Variants in ATF7 observed in about 807,000 individuals in gnomAD.
ATF7 encodes cyclic AMP-dependent transcription factor ATF-7.
In ATF7, 10 loss-of-function variants were observed where a neutral mutation model predicts 50.4. The observed-to-expected ratio is 0.20, with a 90% CI of 0.12 to 0.34. The LOEUF (loss-of-function observed/expected upper bound fraction) is 0.34, where lower values mean the gene tolerates loss of function less well. Ranked by LOEUF, ATF7 falls within the 10% of genes least tolerant of loss-of-function variation. The pLI, the probability that ATF7 is intolerant of heterozygous loss-of-function variation, is 1.00. For synonymous variants in ATF7, 201 were observed against 226.4 expected (o/e 0.89, Z 1.01); for missense variants, 465 against 613.9 (o/e 0.76, Z 2.56).
At chr12:53,604,783 A>G (rs940601967) in intron 1 of ATF7, among the ~76,000 whole-genome samples, 1 of 152,206 alleles carries the variant, frequency 6.6e-6, no homozygotes, top group African/African-American at 2.4e-5. Flanking sequence ...AAAATCTAGA[A>G]GATGTTAAGA....
chr12:53,550,456 T>C (rs552116914), intron 3 of ATF7, among the ~76,000 whole-genome samples: 84 of 151,990 alleles, frequency 5.5e-4, no homozygotes, highest in African/African-American at 2.0e-3. Flanking sequence ...GGCTTTTCAA[T>C]AGTATGTATG....
At chr12:53,538,175 T>TC (rs1247844756) in intron 4 of ATF7, among the ~76,000 whole-genome samples, 1 of 152,174 alleles carries the variant, frequency 6.6e-6, no homozygotes, top group Non-Finnish European at 1.5e-5. Flanking sequence ...GCCATTTAAA[T>TC]CCATGCAAAT....
chr12:53,535,328 CAAAAA>C (rs397938442), intron 5 of ATF7, among the ~76,000 whole-genome samples: 4 of 64,960 alleles, frequency 6.2e-5, no homozygotes, highest in African/African-American at 5.6e-5. Flanking sequence ...GACTCTGCCT[CAAAAA>C]AAAAAAAAAA....
intron 5 of ATF7, among the ~76,000 whole-genome samples, chr12:53,535,392 T>C (rs1262594062): frequency 6.6e-6 from 1 of 150,870 alleles, no homozygotes; most frequent in Non-Finnish European, 1.5e-5. Flanking sequence ...AGAAGACAGA[T>C]TTGAGAAGTT....
intron 1 of ATF7, among the ~76,000 whole-genome samples, chr12:53,618,689 A>G (rs1476117142): frequency 6.7e-6 from 1 of 149,962 alleles, no homozygotes; most frequent in East Asian, 2.1e-4. Context: ...ATAAACTACA[A>G]TTATAAATGG....
At chr12:53,608,148 A>AGGCAGAGG (rs1314929564) in intron 1 of ATF7, among the ~76,000 whole-genome samples, 1 of 148,396 alleles carries the variant, frequency 6.7e-6, no homozygotes, top group African/African-American at 2.5e-5. Flanking sequence ...TGAACCCAGG[A>AGGCAGAGG]GGCAGAGGTT....
At chr12:53,529,734 C>T (rs867982865) in intron 9 of ATF7, among the ~76,000 whole-genome samples, 2 of 143,522 alleles carry the variant, frequency 1.4e-5, no homozygotes, top group African/African-American at 2.7e-5. Context: ...CACACACACA[C>T]ATATATATAT....
intron 2 of ATF7, among the ~76,000 whole-genome samples, chr12:53,564,567 T>C (rs531558033): frequency 6.6e-6 from 1 of 152,322 alleles, no homozygotes; most frequent in Non-Finnish European, 1.5e-5. Flanking sequence ...GAGCATCTCA[T>C]AGGTGTCAAA....
chr12:53,562,893 G>C (rs879479192), intron 2 of ATF7, among the ~76,000 whole-genome samples: 1 of 152,094 alleles, frequency 6.6e-6, no homozygotes, highest in Non-Finnish European at 1.5e-5. Context: ...CATTAGGAAG[G>C]ATTTGACTCT....
chr12:53,525,935 G>T (rs1938425221), intron 9 of ATF7, among the ~76,000 whole-genome samples: 1 of 152,200 alleles, frequency 6.6e-6, no homozygotes, highest in Admixed American at 6.5e-5. Context: ...GACCAGCTGG[G>T]CATGGTGGCT....
At chr12:53,593,950 C>T (rs1943049700) in intron 2 of ATF7, among the ~76,000 whole-genome samples, 1 of 152,222 alleles carries the variant, frequency 6.6e-6, no homozygotes, top group Non-Finnish European at 1.5e-5. Context: ...GCAAGTCAAT[C>T]TGCATTAAAG....
At chr12:53,547,958 G>A (rs1054601137) in intron 3 of ATF7, among the ~76,000 whole-genome samples, 11 of 151,926 alleles carry the variant, frequency 7.2e-5, no homozygotes, top group African/African-American at 2.2e-4. Context: ...CTGCAGCCTC[G>A]AACTCCTGAA....
At chr12:53,613,897 A>G (rs1363139816) in intron 1 of ATF7, among the ~76,000 whole-genome samples, 1 of 151,610 alleles carries the variant, frequency 6.6e-6, no homozygotes, top group Non-Finnish European at 1.5e-5. Context: ...TGCTTTAAGA[A>G]ATACACAAGC....
At chr12:53,585,201 C>G (rs970295971) in intron 2 of ATF7, among the ~76,000 whole-genome samples, 1 of 151,982 alleles carries the variant, frequency 6.6e-6, no homozygotes, top group Non-Finnish European at 1.5e-5. Flanking sequence ...GTCTTGAACT[C>G]CTGGGCTCCA....
intron 2 of ATF7, among the ~76,000 whole-genome samples, chr12:53,595,848 CAGTT>C (rs1437832037): frequency 2.0e-5 from 3 of 152,098 alleles, no homozygotes; most frequent in African/African-American, 7.2e-5. Flanking sequence ...TTTCGTATCT[CAGTT>C]AGAAAGATAT....
At chr12:53,555,206 C>A (rs1454142389) in intron 2 of ATF7, among the ~76,000 whole-genome samples, 5 of 151,750 alleles carry the variant, frequency 3.3e-5, no homozygotes, top group Non-Finnish European at 1.5e-5. Flanking sequence ...ATACTCCTAG[C>A]TACTCGGGGG....
At chr12:53,580,647 G>T (rs1351504461) in intron 2 of ATF7, among the ~76,000 whole-genome samples, 1 of 124,522 alleles carries the variant, frequency 8.0e-6, no homozygotes, top group African/African-American at 3.1e-5. Flanking sequence ...CTGGGTGACA[G>T]AGCGAGACTC....
At position 53,534,552 on chromosome 12, in the gene ATF7, G is replaced by A. The variant is rs748944032; in HGVS notation, c.510C>T (p.Pro170=). The change falls in exon 6 of 12, where the codon CCC becomes CCT. Residue 170 remains proline (P), a synonymous_variant. Coordinates refer to ENST00000420353, the MANE Select transcript of ATF7 (RefSeq NM_006856.3). Reference sequence around the variant, plus strand: ...CCTGTGTGATGACAGAGGTTGGGGAGGGAAGGGTTGGATGAAGTGGATCAT... The same window carrying A: ...CCTGTGTGATGACAGAGGTTGGGGAAGGAAGGGTTGGATGAAGTGGATCAT... The part of the protein sequence containing the change: ...LGYDPLHPTL[P]SPTSVITQAP... 23 of 1,613,876 alleles carry A rather than the reference G, an allele frequency of 1.4e-5. No individual in the cohort carries two copies. The highest frequency in any genetic ancestry group is 1.9e-5 in the Non-Finnish European group (23 of 1,179,856).
downstream of ATF7, among the ~76,000 whole-genome samples, chr12:53,508,474 C>T (rs1016242575): frequency 6.6e-5 from 10 of 150,462 alleles, no homozygotes; most frequent in South Asian, 2.1e-4. Context: ...GCAGGAGAAT[C>T]GCTTGAATCG....
Sources: allele counts gnomAD v4.1 joint callset (sites outside exome capture counted in the v4.1 genomes callset), GRCh38; gene constraint gnomAD v4.1.1; transcripts MANE v1.5; gene names NCBI Gene and HGNC (gene_info 2026-07-23, HGNC 2026-07-21).